Variants in LCOR observed in about 807,000 individuals in gnomAD.
LCOR encodes the protein ligand dependent nuclear receptor corepressor, also known as ligand-dependent corepressor.
A neutral mutation model predicts 64.4 loss-of-function variants in LCOR; 14 were observed. That is an observed-to-expected ratio of 0.22 (90% CI 0.14 to 0.34). The LOEUF (loss-of-function observed/expected upper bound fraction) is 0.34. Ranked by LOEUF, LCOR falls within the 10% of genes least tolerant of loss-of-function variation. The pLI is 1.00. For missense variants in LCOR, 1,686 were observed against 1,765.3 expected (o/e 0.96, Z 0.80); for synonymous variants, 643 against 642.5 (o/e 1.00, Z -0.01).
chr10:96,871,879 A>T (rs1404081816), intron 2 of LCOR, among the ~76,000 whole-genome samples: 2 of 152,208 alleles, frequency 1.3e-5, no homozygotes, highest in African/African-American at 4.8e-5. Context: ...AAACAACAAC[A>T]GTAAACAAAC....
intron 7 of LCOR, among the ~76,000 whole-genome samples, chr10:96,979,377 C>T (rs1310383656): frequency 6.6e-6 from 1 of 152,190 alleles, no homozygotes; most frequent in Non-Finnish European, 1.5e-5. Context: ...TTCAGTACAA[C>T]CCAGACATCC....
At chr10:96,955,324 T>C (rs1160999999) in intron 7 of LCOR, 2 of 1,613,954 alleles carry the variant, frequency 1.2e-6, no homozygotes, top group African/African-American at 1.3e-5. Flanking sequence ...AAAATGGCAC[T>C]TCAAGCAAAA....
chr10:96,837,286 C>G (rs373037702), intron 2 of LCOR, among the ~76,000 whole-genome samples: 1 of 150,658 alleles, frequency 6.6e-6, no homozygotes, highest in South Asian at 2.1e-4. Flanking sequence ...CACTGCGTCC[C>G]TCTATGTATG....
intron 7 of LCOR, among the ~76,000 whole-genome samples, chr10:96,976,911 T>C (rs1253102384): frequency 1.3e-5 from 2 of 152,234 alleles, no homozygotes; most frequent in African/African-American, 4.8e-5. Context: ...ATTGTGCTTC[T>C]TGAATTAGGA....
Position 96,984,039 on chromosome 10 carries a change from C to G in LCOR, c.3579C>G (p.Thr1193=). The G allele has an allele frequency of 6.2e-7, 1 of 1,613,914 alleles. No homozygotes were observed. Among genetic ancestry groups the G allele is most frequent in the Non-Finnish European group, 8.5e-7 (1 of 1,179,942 alleles). ...AATGGTTCTTAGAGACAACTGAAAC[C>G]CGGTCTCTAGTCATTGTGAAGAAGC... ...VCKWFLETTE[T]RSLVIVKKLN... is the part of the protein sequence containing the mutation. The change falls in exon 8 of 8, where the codon ACC becomes ACG. Residue 1193 remains threonine (T), a synonymous_variant. Coordinates refer to ENST00000421806, the MANE Select transcript of LCOR (RefSeq NM_001346516.2).
At chr10:96,903,744 G>A (rs182803101) in intron 2 of LCOR, among the ~76,000 whole-genome samples, 4 of 152,256 alleles carry the variant, frequency 2.6e-5, no homozygotes, top group Admixed American at 2.6e-4. Flanking sequence ...GATTGAAGGG[G>A]GAAATTTGTG....
intron 7 of LCOR, among the ~76,000 whole-genome samples, chr10:96,973,278 A>G (rs896421896): frequency 5.9e-5 from 9 of 152,204 alleles, no homozygotes; most frequent in African/African-American, 1.2e-4. Context: ...AAGTTTGTTC[A>G]GGGGTTTTAA....
chr10:96,862,047 C>T (rs563859995), intron 2 of LCOR, among the ~76,000 whole-genome samples: 5 of 152,150 alleles, frequency 3.3e-5, no homozygotes, highest in Non-Finnish European at 1.5e-5. Flanking sequence ...CCACAAAACT[C>T]AGGGAAGCAC....
At chr10:96,952,260 A>C (rs1051094133) in intron 7 of LCOR, 64 bp downstream of exon 7, 2 of 1,085,986 alleles carry the variant, frequency 1.8e-6, no homozygotes, top group Non-Finnish European at 2.8e-6. Context: ...GGTTGATGCC[A>C]GTCTCCCTTT....
At position 96,935,420 on chromosome 10, in the gene LCOR, A is replaced by AT; in HGVS notation, c.-183-8691dup. ...TGCCTTGGCCTCCCAAAGTACTGGA[A>AT]TTATAGGCTTAAGCCACTGCGCCTG... is the stretch of plus-strand genomic sequence containing the variant. On this transcript the variant is annotated intron_variant, in intron 4 of 7. Coordinates refer to ENST00000421806, the MANE Select transcript of LCOR (RefSeq NM_001346516.2). Among the ~76,000 whole-genome samples, 3 of 152,174 alleles carry AT rather than the reference A, an allele frequency of 2.0e-5. 1 individual carries two copies. Among genetic ancestry groups the AT allele is most frequent in the Middle Eastern group, 6.8e-3 (2 of 294 alleles).
At chr10:96,837,614 T>C (rs548610569) in intron 2 of LCOR, among the ~76,000 whole-genome samples, 1 of 152,338 alleles carries the variant, frequency 6.6e-6, no homozygotes, top group East Asian at 1.9e-4. Flanking sequence ...AAGAGTATTA[T>C]CTTCTAAGCA....
chr10:96,934,491 AC>A (rs1847314357), intron 4 of LCOR, among the ~76,000 whole-genome samples: 1 of 152,208 alleles, frequency 6.6e-6, no homozygotes, highest in Admixed American at 6.5e-5. Flanking sequence ...AGATTATATA[AC>A]AGAGCCACTT....
At chr10:96,864,715 TTTTCTG>T (rs1845943980) in intron 2 of LCOR, among the ~76,000 whole-genome samples, 1 of 152,240 alleles carries the variant, frequency 6.6e-6, no homozygotes, top group South Asian at 2.1e-4. Context: ...TTACTATACC[TTTTCTG>T]TGTTTAGGTA....
At chr10:96,861,437 A>G (rs995587049) in intron 2 of LCOR, among the ~76,000 whole-genome samples, 36 of 152,172 alleles carry the variant, frequency 2.4e-4, no homozygotes, top group African/African-American at 7.5e-4. Context: ...AATAATCACA[A>G]TCTTCAACAC....
intron 2 of LCOR, among the ~76,000 whole-genome samples, chr10:96,868,254 T>C (rs1846010503): frequency 6.6e-6 from 1 of 151,654 alleles, no homozygotes; most frequent in Non-Finnish European, 1.5e-5. Flanking sequence ...AAGGAGTGAT[T>C]ACTTTTTTCT....
chr10:96,935,911 T>C (rs1373604061), intron 4 of LCOR, among the ~76,000 whole-genome samples: 1 of 152,188 alleles, frequency 6.6e-6, no homozygotes, highest in Non-Finnish European at 1.5e-5. Context: ...CCTAAAGGTG[T>C]TGAAAATGAT....
chr10:96,880,482 C>T (rs983236325), intron 2 of LCOR, among the ~76,000 whole-genome samples: 1 of 152,310 alleles, frequency 6.6e-6, no homozygotes, highest in African/African-American at 2.4e-5. Context: ...ACTGCAACCT[C>T]CACCTTCCGG....
intron 2 of LCOR, among the ~76,000 whole-genome samples, chr10:96,878,118 G>T (rs1846201071): frequency 6.6e-6 from 1 of 152,176 alleles, no homozygotes; most frequent in African/African-American, 2.4e-5. Flanking sequence ...GTGTAGAAAA[G>T]TAACAATGCA....
chr10:96,851,328 A>G (rs1845718475), intron 2 of LCOR, among the ~76,000 whole-genome samples: 1 of 152,220 alleles, frequency 6.6e-6, no homozygotes, highest in African/African-American at 2.4e-5. Context: ...CCTTAGATGA[A>G]TGAAGAGTAA....
Sources: allele counts gnomAD v4.1 joint callset (sites outside exome capture counted in the v4.1 genomes callset), GRCh38; gene constraint gnomAD v4.1.1; transcripts MANE v1.5; gene names NCBI Gene and HGNC (gene_info 2026-07-23, HGNC 2026-07-21).